CCDC15: variants seen among roughly 807,000 people sequenced by gnomAD.
CCDC15 encodes coiled-coil domain-containing protein 15.
CCDC15 carries 105 observed loss-of-function variants against 114.5 expected under a neutral mutation model. The ratio of observed to expected loss-of-function variants is 0.92; its 90% CI spans 0.78 to 1.08. The LOEUF is 1.08. Ranked by LOEUF, CCDC15 falls within the 50% of genes least tolerant of loss-of-function variation. The probability of loss-of-function intolerance (pLI) is 0.00; values close to 1 mark genes in which losing one functional copy is unlikely to be tolerated. For synonymous variants in CCDC15, 334 were observed against 377.8 expected (o/e 0.88, Z 1.34); for missense variants, 1,105 against 1,093.6 (o/e 1.01, Z -0.15).
intron 13 of CCDC15, among the ~76,000 whole-genome samples, chr11:125,029,307 G>A (rs187959836): frequency 6.6e-6 from 1 of 152,116 alleles, no homozygotes; most frequent in Non-Finnish European, 1.5e-5. Flanking sequence ...TCTACCACTT[G>A]TCAACTTGAG....
intron 9 of CCDC15, 125 bp from the exon 10 acceptor site, chr11:124,992,455 A>G (rs1341473108): frequency 3.2e-6 from 2 of 623,538 alleles, no homozygotes; most frequent in Non-Finnish European, 5.6e-6. Flanking sequence ...TCATATCAAA[A>G]CGTATCAGAA....
At chr11:124,983,887 C>T (rs1565364953) in intron 6 of CCDC15, among the ~76,000 whole-genome samples, 1 of 151,894 alleles carries the variant, frequency 6.6e-6, no homozygotes, top group Non-Finnish European at 1.5e-5. Context: ...GATGGAGCGG[C>T]GGGAGTGGGG....
At chr11:124,992,128 C>G (rs1288472194) in intron 9 of CCDC15, among the ~76,000 whole-genome samples, 1 of 151,934 alleles carries the variant, frequency 6.6e-6, no homozygotes, top group Non-Finnish European at 1.5e-5. Context: ...TTGTTTTTTT[C>G]TCTTCTACTT....
chr11:125,038,389 A>G, intron 13 of CCDC15, 42 bp from the exon 14 acceptor site: 1 of 1,236,652 alleles, frequency 8.1e-7, no homozygotes, highest in Non-Finnish European at 1.1e-6. Flanking sequence ...TTTAAATAAT[A>G]ATTTTATGAA....
chr11:124,970,682 G>A (rs1306474099), intron 4 of CCDC15, among the ~76,000 whole-genome samples: 2 of 152,082 alleles, frequency 1.3e-5, no homozygotes, highest in African/African-American at 4.8e-5. Context: ...TGTTTATACA[G>A]TTACATGTAA....
intron 2 of CCDC15, 87 bp from the exon 3 acceptor site, chr11:124,959,028 C>G: frequency 1.2e-6 from 1 of 834,598 alleles, no homozygotes; most frequent in South Asian, 2.2e-5. Flanking sequence ...GGATTGTATC[C>G]TTATCCTGAC....
chr11:125,038,811 G>T (rs779408340), intron 14 of CCDC15, 110 bp from the exon 15 acceptor site: 15 of 1,326,594 alleles, frequency 1.1e-5, no homozygotes, highest in Admixed American at 4.2e-5. Context: ...AAATGTCAAG[G>T]CCCAGAGATA....
At chr11:125,033,954 A>C (rs1591615508) in intron 13 of CCDC15, among the ~76,000 whole-genome samples, 1 of 152,160 alleles carries the variant, frequency 6.6e-6, no homozygotes, top group Non-Finnish European at 1.5e-5. Flanking sequence ...TGAGTGTAGC[A>C]CATCTCCTCA....
intron 4 of CCDC15, 113 bp downstream of exon 4, chr11:124,960,116 A>G: frequency 1.5e-6 from 1 of 650,576 alleles, no homozygotes; most frequent in Non-Finnish European, 2.2e-6. Flanking sequence ...ACTCAGCTTC[A>G]CTTTTGATAA....
At chr11:124,981,238 G>A (rs115657478) in intron 6 of CCDC15, among the ~76,000 whole-genome samples, 8,874 of 152,216 alleles carry the variant, frequency 0.058, 301 homozygotes, top group African/African-American at 0.088. Context: ...TGAGAAGAAT[G>A]TATATTCTGT....
intron 13 of CCDC15, among the ~76,000 whole-genome samples, chr11:125,006,999 C>T (rs1377220785): frequency 1.3e-5 from 2 of 152,122 alleles, no homozygotes; most frequent in Non-Finnish European, 2.9e-5. Context: ...ATTTTGATAA[C>T]ATGCAATGTA....
At chr11:125,031,539 A>G (rs1948739335) in intron 13 of CCDC15, among the ~76,000 whole-genome samples, 1 of 152,204 alleles carries the variant, frequency 6.6e-6, no homozygotes, top group Non-Finnish European at 1.5e-5. Flanking sequence ...TTCAGGTTGC[A>G]TGATAACTTG....
At chr11:125,003,748 C>A in intron 11 of CCDC15, 119 bp from the exon 12 acceptor site, 1 of 599,376 alleles carries the variant, frequency 1.7e-6, no homozygotes, top group Non-Finnish European at 2.9e-6. Flanking sequence ...GTTTTTTCCC[C>A]TTCTTTATCC....
At chr11:124,973,979 TA>T (rs1947928875) in intron 4 of CCDC15, among the ~76,000 whole-genome samples, 1 of 152,124 alleles carries the variant, frequency 6.6e-6, no homozygotes, top group South Asian at 2.1e-4. Flanking sequence ...ATTTTAATTT[TA>T]ATTTATTTAT....
chr11:124,990,017 G>A (rs1948241794), intron 8 of CCDC15, among the ~76,000 whole-genome samples: 1 of 152,168 alleles, frequency 6.6e-6, no homozygotes, highest in African/African-American at 2.4e-5. Context: ...GGTACAAGAG[G>A]CCTAGCCTTC....
At chr11:124,954,656 T>C (rs1947515581) in intron 1 of CCDC15, 68 bp from the exon 2 acceptor site, 1 of 1,398,432 alleles carries the variant, frequency 7.2e-7, no homozygotes, top group African/African-American at 1.4e-5. Context: ...CTGTGGCTCA[T>C]GTGTTAGGAG....
chr11:124,984,389 G>C (rs1267872914), intron 6 of CCDC15, among the ~76,000 whole-genome samples: 1 of 152,072 alleles, frequency 6.6e-6, no homozygotes, highest in Non-Finnish European at 1.5e-5. Flanking sequence ...GCAGGGCTGG[G>C]GCCCTGGGAG....
At chr11:124,960,323 C>CAAAAAAAAAAAA (rs1206885094) in intron 4 of CCDC15, among the ~76,000 whole-genome samples, 1 of 23,490 alleles carries the variant, frequency 4.3e-5, no homozygotes, top group Non-Finnish European at 1.1e-4. Context: ...GACTCCGTCT[C>CAAAAAAAAAAAA]AAAAAAAAAA....
At chr11:125,020,577 A>G (rs996451802) in intron 13 of CCDC15, among the ~76,000 whole-genome samples, 3 of 152,094 alleles carry the variant, frequency 2.0e-5, no homozygotes, top group South Asian at 2.1e-4. Context: ...GCAGTCTTTT[A>G]TATTCTTAAC....
Sources: allele counts gnomAD v4.1 joint callset (sites outside exome capture counted in the v4.1 genomes callset), GRCh38; gene constraint gnomAD v4.1.1; transcripts MANE v1.5; gene names NCBI Gene and HGNC (gene_info 2026-07-23, HGNC 2026-07-21).